AKAP6: variants seen among roughly 807,000 people sequenced by gnomAD.
The protein encoded by AKAP6 is A-kinase anchor protein 6.
In AKAP6, 58 loss-of-function variants were observed where a neutral mutation model predicts 188.5. The ratio of observed to expected loss-of-function variants is 0.31; its 90% confidence interval spans 0.25 to 0.38. AKAP6 has a LOEUF of 0.38. Ranked by LOEUF, AKAP6 falls within the 10% of genes least tolerant of loss-of-function variation. The pLI, the probability that AKAP6 is intolerant of heterozygous loss-of-function variation, is 1.00. For missense variants in AKAP6, 2,710 were observed against 2,740.0 expected (o/e 0.99, Z 0.24); for synonymous variants, 989 against 998.6 (o/e 0.99, Z 0.18).
chr14:32,594,186 A>G (rs1426763692), intron 5 of AKAP6, among the ~76,000 whole-genome samples: 1 of 152,096 alleles, frequency 6.6e-6, no homozygotes, highest in Non-Finnish European at 1.5e-5. Flanking sequence ...TATGATTTCC[A>G]TTTTATATTT....
intron 4 of AKAP6, among the ~76,000 whole-genome samples, chr14:32,551,500 A>G (rs1172869080): frequency 8.1e-6 from 1 of 123,576 alleles, no homozygotes; most frequent in Non-Finnish European, 1.7e-5. Context: ...TGAACCCGGG[A>G]GGTGGAGGTT....
At chr14:32,488,719 T>A (rs753473155) in intron 2 of AKAP6, among the ~76,000 whole-genome samples, 207 of 152,238 alleles carry the variant, frequency 1.4e-3, no homozygotes, top group Non-Finnish European at 1.8e-3. Flanking sequence ...AAAAGCATAG[T>A]ATCTGGACCA....
At chr14:32,595,252 G>C (rs1260706350) in intron 5 of AKAP6, among the ~76,000 whole-genome samples, 1 of 151,990 alleles carries the variant, frequency 6.6e-6, no homozygotes, top group African/African-American at 2.4e-5. Context: ...ATTCTTCCAT[G>C]ACTCTTTCAT....
intron 2 of AKAP6, among the ~76,000 whole-genome samples, chr14:32,517,617 C>A (rs944937629): frequency 1.3e-5 from 2 of 152,160 alleles, no homozygotes; most frequent in African/African-American, 4.8e-5. Context: ...AGTATGAGAG[C>A]GAACTGCAAG....
chr14:32,576,416 T>C (rs1884720339), intron 4 of AKAP6, among the ~76,000 whole-genome samples: 1 of 152,168 alleles, frequency 6.6e-6, no homozygotes, highest in Non-Finnish European at 1.5e-5. Flanking sequence ...GCCAATAAAA[T>C]TTTATAACCA....
rs71115063 is a variant in AKAP6 at position 32,348,417 on chromosome 14, C to CTTTTTTT, written c.-35+19021_-35+19027dup. On this transcript the variant is annotated intron_variant, in intron 1 of 13. Coordinates refer to ENST00000280979, the MANE Select transcript of AKAP6 (RefSeq NM_004274.5). ...TGGGGTTCTTTCTTTTCTTTTGTTT[C>CTTTTTTT]TTTTTTTTTTTTTTTTTTAAGAGTT... 3.1e-3 allele frequency among the ~76,000 whole-genome samples: 393 copies of CTTTTTTT among 126,128 alleles called. 4 individuals are homozygous for CTTTTTTT. Among genetic ancestry groups the CTTTTTTT allele is most frequent in the African/African-American group, 0.012 (378 of 32,462 alleles). The allele number at this position is 126,128 out of a possible 152,430, so 82.7% of individuals were successfully genotyped here.
Position 32,817,173 on chromosome 14 carries a change from G to A in AKAP6, c.3589-4229G>A, listed in dbSNP as rs149323966. 3.3e-5 allele frequency among the ~76,000 whole-genome samples: 5 copies of A among 152,052 alleles called. No homozygotes were observed. In the East Asian group the frequency reaches 9.7e-4, roughly 29 times the overall value. On this transcript the variant is annotated intron_variant, in intron 12 of 13. Transcript: ENST00000280979. ...TCTCTTATACACACCCACCATTTAA[G>A]CTAAAATTGTAAGAAAATCCTGGAA... is the stretch of plus-strand genomic sequence containing the variant.
At chr14:32,800,010 G>C (rs144301357) in intron 12 of AKAP6, among the ~76,000 whole-genome samples, 9,746 of 148,518 alleles carry the variant, frequency 0.066, 390 homozygotes, top group South Asian at 0.15. Flanking sequence ...AGATGTTCAA[G>C]ACCAGCCTGG....
chr14:32,699,635 C>T (rs1890546383), intron 9 of AKAP6, among the ~76,000 whole-genome samples: 1 of 152,172 alleles, frequency 6.6e-6, no homozygotes, highest in South Asian at 2.1e-4. Flanking sequence ...GACTTCCCTT[C>T]CCCCTTATCT....
rs1377926316 is a variant in AKAP6 at position 32,836,532 on chromosome 14, G to A, written c.*6727G>A. 6.6e-6 allele frequency: 1 copy of A among 152,074 alleles called. No homozygotes were observed. Among genetic ancestry groups the A allele is most frequent in the Non-Finnish European group, 1.5e-5 (1 of 68,026 alleles). The allele number at this position is 152,074 out of a possible 1,614,324, so 9.4% of individuals were successfully genotyped here. A position where few individuals can be genotyped will look rare whatever the true frequency, so the allele number is the denominator to read the frequency against. ...ACTTCCAGGCTTTTGCCAAACATTA[G>A]TAAACAATTTCCAGTGAATACTCTG... On this transcript the variant is annotated 3_prime_UTR_variant, in exon 14 of 14. Coordinates refer to ENST00000280979, the MANE Select transcript of AKAP6 (RefSeq NM_004274.5).
chr14:32,502,554 A>G (rs1420523981), intron 2 of AKAP6, among the ~76,000 whole-genome samples: 1 of 152,146 alleles, frequency 6.6e-6, no homozygotes, highest in Admixed American at 6.6e-5. Context: ...ACTCCAATGC[A>G]GAGAGCTGGC....
chr14:32,410,870 C>G (rs558351207), intron 1 of AKAP6, among the ~76,000 whole-genome samples: 25 of 152,250 alleles, frequency 1.6e-4, no homozygotes, highest in African/African-American at 6.0e-4. Flanking sequence ...ATAAAATAAT[C>G]TTAGTTGAAA....
intron 2 of AKAP6, chr14:32,439,140 G>GT (rs1208434891): frequency 6.6e-6 from 1 of 152,200 alleles, no homozygotes; most frequent in Non-Finnish European, 1.5e-5. Context: ...CAGAGACTCT[G>GT]TTTACAAGAT....
chr14:32,535,819 T>C lies in AKAP6; in HGVS notation c.576+14T>C. On this transcript the variant is annotated intron_variant, in intron 3 of 13. Coordinates refer to ENST00000280979, the MANE Select transcript of AKAP6 (RefSeq NM_004274.5). ...GAGACAAAAGAGGTGAGTGTTTTCC[T>C]TGAAGTTAAGCAATGCATTTCCAGG... is the stretch of plus-strand genomic sequence containing the variant. The C allele has an allele frequency of 1.2e-6, 2 of 1,601,108 alleles. No homozygotes were observed. The highest frequency in any genetic ancestry group is 1.7e-6 in the Non-Finnish European group (2 of 1,171,202).
At chr14:32,708,422 CAAGAGAGAGA>C (rs1208776031) in intron 9 of AKAP6, among the ~76,000 whole-genome samples, 1 of 151,230 alleles carries the variant, frequency 6.6e-6, no homozygotes, top group African/African-American at 2.4e-5. Flanking sequence ...AGAGAATGAG[CAAGAGAGAGA>C]AAGAGAGAGA....
chr14:32,348,179 T>C (rs1887129920), intron 1 of AKAP6, among the ~76,000 whole-genome samples: 1 of 152,158 alleles, frequency 6.6e-6, no homozygotes, highest in African/African-American at 2.4e-5. Context: ...AGAAATATGC[T>C]AGACAGGTAC....
chr14:32,753,364 A>G (rs754879872), intron 11 of AKAP6, among the ~76,000 whole-genome samples: 4 of 151,978 alleles, frequency 2.6e-5, no homozygotes, highest in East Asian at 1.9e-4. Flanking sequence ...GACTTTGCCT[A>G]TTTGGATTAT....
chr14:32,810,134 CAT>C (rs1281543312), intron 12 of AKAP6, among the ~76,000 whole-genome samples: 2 of 152,104 alleles, frequency 1.3e-5, no homozygotes, highest in East Asian at 3.9e-4. Flanking sequence ...TCAACTCAGT[CAT>C]AGTCTCTTAG....
chr14:32,807,543 C>G (rs532233150), intron 12 of AKAP6, among the ~76,000 whole-genome samples: 2 of 152,196 alleles, frequency 1.3e-5, no homozygotes, highest in African/African-American at 2.4e-5. Context: ...ATGGTTGTCT[C>G]TTCTGTTCTG....
Sources: gnomAD v4.1 joint callset for allele counts (sites outside exome capture counted in the v4.1 genomes callset) on GRCh38, gnomAD v4.1.1 for gene constraint, MANE v1.5 for transcripts, NCBI Gene and HGNC (gene_info 2026-07-23, HGNC 2026-07-21) for gene names.